Variants in PIEZO2 observed in about 807,000 individuals in gnomAD.
PIEZO2 encodes piezo-type mechanosensitive ion channel component 2.
A neutral mutation model predicts 337.3 loss-of-function variants in PIEZO2; 172 were observed. The ratio of observed to expected loss-of-function variants is 0.51; its 90% CI spans 0.45 to 0.58. The LOEUF (loss-of-function observed/expected upper bound fraction) is 0.58, where lower values mean the gene tolerates loss of function less well. Ranked by LOEUF, PIEZO2 falls within the 20% of genes least tolerant of loss-of-function variation. PIEZO2 has a pLI of 0.00. For synonymous variants in PIEZO2, 1,251 were observed against 1,228.5 expected (o/e 1.02, Z -0.38); for missense variants, 3,028 against 3,391.3 (o/e 0.89, Z 2.66).
chr18:11,119,880 A>C (rs1260897491), intron 1 of PIEZO2, among the ~76,000 whole-genome samples: 1 of 152,270 alleles, frequency 6.6e-6, no homozygotes, highest in Non-Finnish European at 1.5e-5. Context: ...TATGAGAACA[A>C]TGAAAAATCA....
intron 3 of PIEZO2, among the ~76,000 whole-genome samples, chr18:10,923,193 C>T (rs762826600): frequency 6.6e-6 from 1 of 152,158 alleles, no homozygotes; most frequent in African/African-American, 2.4e-5. Flanking sequence ...CAGACTGTTA[C>T]TACACTCTGC....
rs560242329 is a variant in PIEZO2 at position 10,753,852 on chromosome 18, T to G, written c.3924-973A>C. Among the ~76,000 whole-genome samples the G allele has an allele frequency of 1.3e-3, 194 of 152,332 alleles. 3 individuals are homozygous for G. Among genetic ancestry groups the G allele is most frequent in the African/African-American group, 4.4e-3 (184 of 41,574 alleles). On this transcript the variant is annotated intron_variant, in intron 27 of 55. Transcript: ENST00000674853. The stretch of plus-strand genomic sequence containing the variant: ...TTTAAAGTAAAACACTTAAACATTT[T>G]TATAACTTTTTTTCTAAAATACATA...
chr18:11,141,707 G>C (rs189064831), intron 1 of PIEZO2, among the ~76,000 whole-genome samples: 1 of 152,180 alleles, frequency 6.6e-6, no homozygotes, highest in Non-Finnish European at 1.5e-5. Flanking sequence ...GAGCACACCA[G>C]AGAAGGCCCC....
intron 33 of PIEZO2, chr18:10,738,691 A>G (rs1248516294): frequency 6.6e-6 from 1 of 152,190 alleles, no homozygotes; most frequent in African/African-American, 2.4e-5. Context: ...TAAATTACTA[A>G]GTTGGAAATT....
Position 10,982,114 on chromosome 18 carries a change from G to T in PIEZO2, c.161-2454C>A, listed in dbSNP as rs1410473843. Among the ~76,000 whole-genome samples the T allele has an allele frequency of 6.6e-6, 1 of 152,108 alleles. No homozygotes were observed. Among genetic ancestry groups the T allele is most frequent in the African/African-American group, 2.4e-5 (1 of 41,432 alleles). On this transcript the variant is annotated intron_variant, in intron 2 of 55. Coordinates refer to ENST00000674853, the MANE Select transcript of PIEZO2 (RefSeq NM_001378183.1). This position sits in a 1 kb window ranked among gnomAD's most constrained non-coding sequence, Gnocchi z 4.1. The stretch of plus-strand genomic sequence containing the variant: ...CCAAACTGCATCAGTAGGCATATTT[G>T]TCTTTTCTTGATTTCAAAGAGAAAG...
At chr18:11,024,144 C>T (rs1226771465) in intron 2 of PIEZO2, among the ~76,000 whole-genome samples, 2 of 152,222 alleles carry the variant, frequency 1.3e-5, no homozygotes, top group Admixed American at 6.5e-5. Flanking sequence ...TGAGTGGGCG[C>T]CAAGGCCGCA....
At chr18:11,062,577 A>T (rs1375400446) in intron 2 of PIEZO2, among the ~76,000 whole-genome samples, 3 of 152,026 alleles carry the variant, frequency 2.0e-5, no homozygotes, top group Non-Finnish European at 4.4e-5. Context: ...AAAACAAACA[A>T]CCCCATCAAA....
chr18:10,737,315 A>G (rs1490417435), intron 33 of PIEZO2, among the ~76,000 whole-genome samples: 1 of 151,996 alleles, frequency 6.6e-6, no homozygotes, highest in African/African-American at 2.4e-5. Flanking sequence ...ACACGCACAC[A>G]CTGCCATGAG....
chr18:11,142,980 G>GA (rs1326451377), intron 1 of PIEZO2, among the ~76,000 whole-genome samples: 1 of 152,180 alleles, frequency 6.6e-6, no homozygotes, highest in East Asian at 1.9e-4. Context: ...TCGGGTGGCT[G>GA]AGACAGGAGA....
intron 4 of PIEZO2, among the ~76,000 whole-genome samples, chr18:10,883,828 T>TTTTTTTTTTTA (rs1598626308): frequency 6.7e-6 from 1 of 150,272 alleles, no homozygotes; most frequent in African/African-American, 2.5e-5. Flanking sequence ...TTTTTTTTTT[T>TTTTTTTTTTTA]GAGACAGAGT....
At chr18:11,074,338 G>C (rs1214975095) in intron 1 of PIEZO2, among the ~76,000 whole-genome samples, 1 of 152,170 alleles carries the variant, frequency 6.6e-6, no homozygotes, top group Non-Finnish European at 1.5e-5. Context: ...ACCGTTGACA[G>C]AACAACAAAA....
At chr18:10,871,224 AGAAG>A in intron 5 of PIEZO2, 25 bp downstream of exon 5, 1 of 1,527,220 alleles carries the variant, frequency 6.5e-7, no homozygotes, top group African/African-American at 1.4e-5. Context: ...CAGAAATCAA[AGAAG>A]GAAGAGACAT....
intron 4 of PIEZO2, chr18:10,908,877 GCTGA>G (rs148232316): frequency 0.016 from 2,426 of 152,322 alleles, 29 homozygotes; most frequent in Admixed American, 0.041. Flanking sequence ...ATGCTGCGTG[GCTGA>G]CTGTCTGGGT....
rs1008581796 is a variant in PIEZO2 at position 10,969,398 on chromosome 18, C to T, written c.286+10137G>A. On this transcript the variant is annotated intron_variant, in intron 3 of 55. Coordinates refer to ENST00000674853, the MANE Select transcript of PIEZO2 (RefSeq NM_001378183.1). This position sits in a 1 kb window ranked among gnomAD's most constrained non-coding sequence, Gnocchi z 4.5. ...GTCGGCATGGTGGGGAGCAGACGGG[C>T]GTGAGGATCATGACTCCCTGTTACT... Among the ~76,000 whole-genome samples, 1 of 152,014 alleles carries T rather than the reference C, an allele frequency of 6.6e-6. No homozygotes were observed. The highest frequency in any genetic ancestry group is 1.5e-5 in the Non-Finnish European group (1 of 67,996).
intron 36 of PIEZO2, among the ~76,000 whole-genome samples, chr18:10,720,222 A>ATATGTGTG (rs2036201841): frequency 7.1e-6 from 1 of 139,898 alleles, no homozygotes; most frequent in African/African-American, 2.7e-5. Context: ...ATATGAATAT[A>ATATGTGTG]TGTGTGTGTG....
chr18:10,694,313 G>A (rs1027275380), intron 47 of PIEZO2, among the ~76,000 whole-genome samples: 3 of 152,104 alleles, frequency 2.0e-5, no homozygotes, highest in Admixed American at 6.6e-5. Context: ...AAGCAATTTG[G>A]ATTTTCTCAA....
intron 1 of PIEZO2, among the ~76,000 whole-genome samples, chr18:11,098,960 T>C (rs72874285): frequency 0.22 from 32,355 of 149,044 alleles, 3,853 homozygotes; most frequent in South Asian, 0.47. Context: ...ACCATGCCTG[T>C]ATAATTTAAA....
intron 2 of PIEZO2, among the ~76,000 whole-genome samples, chr18:11,053,417 T>G (rs1006327072): frequency 6.6e-6 from 1 of 152,160 alleles, no homozygotes; most frequent in African/African-American, 2.4e-5. Context: ...ACATTCAAAT[T>G]AATAATGCTG....
At chr18:10,922,041 CG>C (rs2031451234) in intron 3 of PIEZO2, among the ~76,000 whole-genome samples, 1 of 152,110 alleles carries the variant, frequency 6.6e-6, no homozygotes, top group South Asian at 2.1e-4. Flanking sequence ...AATTTTGCCC[CG>C]GTCCTGTGGT....
Sources: allele counts gnomAD v4.1 joint callset (sites outside exome capture counted in the v4.1 genomes callset), GRCh38; gene constraint gnomAD v4.1.1; non-coding constraint Gnocchi (gnomAD v3.1); transcripts MANE v1.5; gene names NCBI Gene and HGNC (gene_info 2026-07-23, HGNC 2026-07-21).